C2CD5: variants seen among roughly 807,000 people sequenced by gnomAD.
C2CD5 encodes C2 domain-containing protein 5.
In C2CD5, 109 loss-of-function variants were observed where a neutral mutation model predicts 130.3. The ratio of observed to expected loss-of-function variants is 0.84; its 90% CI spans 0.72 to 0.98. The LOEUF (loss-of-function observed/expected upper bound fraction) is 0.98, where lower values mean the gene tolerates loss of function less well. C2CD5 is among the 50% of genes least tolerant of loss of function. The pLI, the probability that C2CD5 is intolerant of heterozygous loss-of-function variation, is 0.00. For synonymous variants in C2CD5, 454 were observed against 429.2 expected (o/e 1.06, Z -0.71); for missense variants, 996 against 1,261.8 (o/e 0.79, Z 3.19).
chr12:22,478,453 C>T lies in C2CD5; in HGVS notation c.1762G>A (p.Ala588Thr). 6.2e-7 allele frequency: 1 copy of T among 1,613,626 alleles called. No homozygotes were observed. The change falls in exon 15 of 27, where the codon GCT (alanine) becomes ACT (threonine). Residue 588 changes from alanine to threonine, a missense_variant. Ala to Thr is a moderately conservative substitution (Grantham distance 58, BLOSUM62 0). Transcript: ENST00000446597. ...LASATGVYLA[A>T]LPTPGGIQIA... Reference sequence around the variant, plus strand: ...TGAATACCACCAGGAGTTGGTAAAGCTGCTAAATACACACCTGTGGCAGAC... The same window carrying T: ...TGAATACCACCAGGAGTTGGTAAAGTTGCTAAATACACACCTGTGGCAGAC...
intron 12 of C2CD5, 113 bp from the exon 13 acceptor site, chr12:22,485,001 T>A: frequency 2.2e-6 from 1 of 459,602 alleles, no homozygotes; most frequent in Non-Finnish European, 3.7e-6. Flanking sequence ...CTATCCAACT[T>A]CTACTGCTGT....
intron 7 of C2CD5, among the ~76,000 whole-genome samples, chr12:22,519,736 G>A (rs1298109280): frequency 6.6e-6 from 1 of 152,044 alleles, no homozygotes; most frequent in Non-Finnish European, 1.5e-5. Context: ...AGGCTACTAA[G>A]ATAGGGGTAT....
intron 7 of C2CD5, chr12:22,519,034 C>T: frequency 2.4e-6 from 3 of 1,268,660 alleles, no homozygotes; most frequent in East Asian, 2.6e-5. Context: ...TACCTGCCTA[C>T]ACTACCTGCC....
chr12:22,489,369 G>A (rs1946043833), intron 12 of C2CD5, among the ~76,000 whole-genome samples: 1 of 151,558 alleles, frequency 6.6e-6, no homozygotes, highest in Non-Finnish European at 1.5e-5. Context: ...CATGGGTTTG[G>A]CATGTATGGA....
chr12:22,490,950 G>A (rs1394978873), intron 11 of C2CD5, among the ~76,000 whole-genome samples: 1 of 152,106 alleles, frequency 6.6e-6, no homozygotes, highest in African/African-American at 2.4e-5. Context: ...AGAGAACAAG[G>A]GAGGAACAGT....
intron 14 of C2CD5, among the ~76,000 whole-genome samples, chr12:22,479,712 T>C (rs1944429424): frequency 1.3e-5 from 2 of 152,158 alleles, no homozygotes. Flanking sequence ...AATTACTATT[T>C]AATATCTGAC....
intron 8 of C2CD5, among the ~76,000 whole-genome samples, chr12:22,513,706 T>G (rs1211557467): frequency 6.6e-6 from 1 of 152,098 alleles, no homozygotes; most frequent in Admixed American, 6.5e-5. Context: ...ATAATCAAGA[T>G]AATAACAATT....
At chr12:22,514,053 A>C (rs1039930860) in intron 8 of C2CD5, among the ~76,000 whole-genome samples, 1 of 152,088 alleles carries the variant, frequency 6.6e-6, no homozygotes, top group African/African-American at 2.4e-5. Context: ...TATCTTTCCC[A>C]AGCTCTTACA....
At chr12:22,507,851 G>A (rs1948743236) in intron 9 of C2CD5, among the ~76,000 whole-genome samples, 2 of 152,090 alleles carry the variant, frequency 1.3e-5, no homozygotes, top group African/African-American at 4.8e-5. Context: ...AAGCTCTAAA[G>A]CTCATATACT....
chr12:22,473,241 G>T (rs902436212), intron 16 of C2CD5, among the ~76,000 whole-genome samples: 1 of 151,912 alleles, frequency 6.6e-6, no homozygotes, highest in Non-Finnish European at 1.5e-5. Flanking sequence ...AAATAAATAG[G>T]TCTAAATTCT....
intron 10 of C2CD5, 59 bp from the exon 11 acceptor site, chr12:22,493,396 G>A: frequency 1.2e-6 from 1 of 859,916 alleles, no homozygotes; most frequent in Non-Finnish European, 1.9e-6. Context: ...ATATGAACAT[G>A]AAATGTTTAA....
chr12:22,453,780 C>T, intron 26 of C2CD5, 116 bp downstream of exon 26: 1 of 810,910 alleles, frequency 1.2e-6, no homozygotes, highest in Non-Finnish European at 2.0e-6. Context: ...ATATCTTACG[C>T]ATCTAGACTC....
intron 10 of C2CD5, among the ~76,000 whole-genome samples, chr12:22,497,878 A>C (rs1947225925): frequency 6.7e-6 from 1 of 149,286 alleles, no homozygotes; most frequent in Non-Finnish European, 1.5e-5. Flanking sequence ...TAATTGTGAA[A>C]TTTCACTACA....
chr12:22,479,489 G>T (rs1400211385), intron 14 of C2CD5, among the ~76,000 whole-genome samples: 1 of 152,004 alleles, frequency 6.6e-6, no homozygotes, highest in African/African-American at 2.4e-5. Flanking sequence ...TTTAAAGGTG[G>T]CAAAAGTGAA....
chr12:22,499,323 T>C (rs1211803442), intron 10 of C2CD5, among the ~76,000 whole-genome samples: 1 of 152,224 alleles, frequency 6.6e-6, no homozygotes, highest in African/African-American at 2.4e-5. Context: ...CATTAATTTA[T>C]AGTTAAGAGT....
intron 9 of C2CD5, chr12:22,512,647 C>G: frequency 1.3e-6 from 2 of 1,486,574 alleles, no homozygotes; most frequent in East Asian, 2.6e-5. Flanking sequence ...AGAAACATAC[C>G]CGCCTTCTAC....
Position 22,472,270 on chromosome 12 carries a change from AG to A in C2CD5, c.2169+15del. 1 of 1,426,000 alleles carries A rather than the reference AG, an allele frequency of 7.0e-7. No individual in the cohort carries two copies. The highest frequency in any genetic ancestry group is 1.3e-5 in the South Asian group (1 of 79,252). 88.3% of individuals were successfully genotyped at this position (1,426,000 alleles called of 1,614,324 possible). ...CTTATGTGTTATGTGCTTAAAATTA[AG>A]AAAAAAAGGTTTACCTGTATTTCAG... On this transcript the variant is annotated intron_variant, in intron 18 of 26. Coordinates refer to ENST00000446597, the MANE Select transcript of C2CD5 (RefSeq NM_001286176.2).
chr12:22,496,479 G>C (rs1947033097), intron 10 of C2CD5, among the ~76,000 whole-genome samples: 1 of 151,936 alleles, frequency 6.6e-6, no homozygotes, highest in Admixed American at 6.6e-5. Context: ...ATACAATTTA[G>C]TTATCTGAAG....
At chr12:22,468,373 C>A (rs894916582) in intron 22 of C2CD5, among the ~76,000 whole-genome samples, 1 of 152,058 alleles carries the variant, frequency 6.6e-6, no homozygotes, top group Non-Finnish European at 1.5e-5. Flanking sequence ...TGCACACCAC[C>A]ACATGCAGCT....
Sources: gnomAD v4.1 joint callset for allele counts (sites outside exome capture counted in the v4.1 genomes callset) on GRCh38, gnomAD v4.1.1 for gene constraint, MANE v1.5 for transcripts, NCBI Gene and HGNC (gene_info 2026-07-23, HGNC 2026-07-21) for gene names.